The following BID variants were observed in gnomAD, a reference collection of about 807,000 sequenced individuals.
The protein encoded by BID is BH3-interacting domain death agonist.
A neutral mutation model predicts 17.4 loss-of-function variants in BID; 19 were observed. The ratio of observed to expected loss-of-function variants is 1.09; its 90% CI spans 0.76 to 1.60. BID has a LOEUF of 1.60. BID is among the 40% of genes most tolerant of loss of function. The pLI is 0.00. For synonymous variants in BID, 108 were observed against 102.8 expected (o/e 1.05, Z -0.31); for missense variants, 226 against 256.0 (o/e 0.88, Z 0.80).
chr22:17,746,877 G>A (rs2061498492), intron 2 of BID, among the ~76,000 whole-genome samples: 1 of 152,142 alleles, frequency 6.6e-6, no homozygotes, highest in Non-Finnish European at 1.5e-5. Flanking sequence ...CGCATCTGTT[G>A]TTTAAAGCCA....
intron 1 of BID, among the ~76,000 whole-genome samples, chr22:17,765,423 C>T (rs775603780): frequency 1.3e-5 from 2 of 152,112 alleles, no homozygotes; most frequent in East Asian, 3.8e-4. Context: ...TCTGTCTTAC[C>T]GAGTAAGTAT....
chr22:17,751,330 C>T (rs1304422568), intron 1 of BID, among the ~76,000 whole-genome samples: 3 of 151,640 alleles, frequency 2.0e-5, no homozygotes, highest in Admixed American at 2.0e-4. Flanking sequence ...CGAGATTGCG[C>T]CACTGCAGTC....
chr22:17,754,853 C>T (rs2061569653), intron 1 of BID, among the ~76,000 whole-genome samples: 1 of 152,166 alleles, frequency 6.6e-6, no homozygotes, highest in Non-Finnish European at 1.5e-5. Flanking sequence ...CAACCTCCGC[C>T]TCCCAGATTC....
Position 17,739,554 on chromosome 22 carries a change from C to T in BID, c.224-66G>A, listed in dbSNP as rs768058851. Reference sequence around the variant, plus strand: ...AAAATGTCCCTGATACCCTCTCCCACACCACCCTGCCCCGGGAAAGGACAG... The same window carrying T: ...AAAATGTCCCTGATACCCTCTCCCATACCACCCTGCCCCGGGAAAGGACAG... On this transcript the variant is annotated intron_variant, in intron 3 of 5. Transcript: ENST00000622694. The T allele has an allele frequency of 1.8e-4, 282 of 1,554,180 alleles. 2 individuals are homozygous for T. The highest frequency in any genetic ancestry group is 2.8e-5 in the Non-Finnish European group (32 of 1,148,970).
At chr22:17,762,555 C>CT (rs70944204) in intron 1 of BID, among the ~76,000 whole-genome samples, 33 of 149,326 alleles carry the variant, frequency 2.2e-4, no homozygotes, top group Middle Eastern at 3.5e-3. Context: ...TGAATGAACA[C>CT]TTTTTTTTTT....
At chr22:17,739,919 G>C in intron 3 of BID, 2 of 741,168 alleles carry the variant, frequency 2.7e-6, no homozygotes, top group Admixed American at 2.3e-5. Context: ...TCAAGCCTGA[G>C]AGCCCCCATT....
chr22:17,737,985 G>T, intron 5 of BID, 32 bp downstream of exon 5: 2 of 1,607,890 alleles, frequency 1.2e-6, no homozygotes, highest in South Asian at 2.2e-5. Flanking sequence ...TGGGCGGCAG[G>T]CAGGGAAGGA....
Position 17,743,954 on chromosome 22 carries a change from G to A in BID, c.72C>T (p.Phe24=), listed in dbSNP as rs753179702. The A allele has an allele frequency of 2.5e-6, 4 of 1,614,030 alleles. No individual in the cohort carries two copies. Among genetic ancestry groups the A allele is most frequent in the East Asian group, 2.2e-5 (1 of 44,890 alleles). Residue 24 remains phenylalanine, a synonymous_variant, in exon 3 of 6, where the codon TTC becomes TTT. Coordinates refer to ENST00000622694, the MANE Select transcript of BID (RefSeq NM_001196.4). The part of the protein sequence containing the change: ...ECITNLLVFG[F]LQSCSDNSFR... ...AGCTGTTGTCAGAACAGCTTTGGAG[G>A]AAGCCAAACACCAGTAGGTTTGTGA...
chr22:17,752,924 C>T (rs765933639), intron 1 of BID, among the ~76,000 whole-genome samples: 4 of 148,218 alleles, frequency 2.7e-5, no homozygotes, highest in African/African-American at 5.0e-5. Flanking sequence ...CTTGGCCTCC[C>T]GAAGTGCTGG....
chr22:17,748,886 T>C (rs1481134419), intron 2 of BID, among the ~76,000 whole-genome samples: 1 of 152,238 alleles, frequency 6.6e-6, no homozygotes, highest in Non-Finnish European at 1.5e-5. Flanking sequence ...TTTTGGACAC[T>C]GACAACAAGC....
chr22:17,752,610 T>C (rs373272793), intron 1 of BID, among the ~76,000 whole-genome samples: 7 of 152,208 alleles, frequency 4.6e-5, no homozygotes, highest in African/African-American at 1.7e-4. Flanking sequence ...GTGTTGGGCA[T>C]GTGAATAGCT....
At position 17,773,660 on chromosome 22, in the gene BID, A is replaced by G. The variant is rs1364679181; in HGVS notation, c.-59+721T>C. ...CGGCCCGGCCCCTCGCTGCCCACCGAGCCATCATGACCCCAGCACCGCTGC... is the reference window on the plus strand; with the variant it reads ...CGGCCCGGCCCCTCGCTGCCCACCGGGCCATCATGACCCCAGCACCGCTGC... On this transcript the variant is annotated intron_variant, in intron 1 of 5. Transcript: ENST00000622694. This position sits in a 1 kb window ranked among gnomAD's most constrained non-coding sequence, Gnocchi z 4.4. The G allele has an allele frequency of 6.2e-7, 1 of 1,611,464 alleles. No homozygotes were observed. The highest frequency in any genetic ancestry group is 1.7e-5 in the Admixed American group (1 of 60,012).
At chr22:17,755,529 G>C (rs1051764411) in intron 1 of BID, among the ~76,000 whole-genome samples, 1 of 152,040 alleles carries the variant, frequency 6.6e-6, no homozygotes, top group African/African-American at 2.4e-5. Context: ...GAGGCCGGGC[G>C]TGGTGGCTCA....
chr22:17,738,595 A>T (rs1040926196), intron 4 of BID, among the ~76,000 whole-genome samples: 84 of 152,090 alleles, frequency 5.5e-4, no homozygotes, highest in African/African-American at 1.9e-3. Flanking sequence ...GACAGGAGGA[A>T]GGGGGTTCCT....
intron 1 of BID, among the ~76,000 whole-genome samples, chr22:17,766,980 C>T (rs1044405696): frequency 3.3e-5 from 5 of 151,938 alleles, no homozygotes; most frequent in African/African-American, 1.2e-4. Flanking sequence ...TCCCAGCACT[C>T]TGGGAGGCCA....
chr22:17,746,471 G>A (rs1056804041), intron 2 of BID, among the ~76,000 whole-genome samples: 1 of 152,228 alleles, frequency 6.6e-6, no homozygotes, highest in Non-Finnish European at 1.5e-5. Context: ...GTACGGAGCA[G>A]CCGCATGGCA....
At chr22:17,736,856 T>C (rs1455049973) in intron 5 of BID, among the ~76,000 whole-genome samples, 3 of 151,474 alleles carry the variant, frequency 2.0e-5, no homozygotes, top group Non-Finnish European at 4.4e-5. Context: ...CAGGCTGGAG[T>C]GCAGTGGCGT....
intron 4 of BID, 51 bp downstream of exon 4, chr22:17,739,298 G>GGCCCCCTTGGCTCACTTGCCC: frequency 6.7e-7 from 1 of 1,495,738 alleles, no homozygotes; most frequent in Non-Finnish European, 8.9e-7. Flanking sequence ...GCAGGGGACA[G>GGCCCCCTTGGCTCACTTGCCC]GCCCCCTTGG....
intron 3 of BID, chr22:17,741,112 AC>A: frequency 1.3e-5 from 2 of 152,006 alleles, no homozygotes; most frequent in East Asian, 3.9e-4. Context: ...CGTTTTGCCT[AC>A]CCTCTGCCAT....
Sources: allele counts gnomAD v4.1 joint callset (sites outside exome capture counted in the v4.1 genomes callset), GRCh38; gene constraint gnomAD v4.1.1; non-coding constraint Gnocchi (gnomAD v3.1); transcripts MANE v1.5; gene names NCBI Gene and HGNC (gene_info 2026-07-23, HGNC 2026-07-21).